SYN3: variants seen among roughly 807,000 people sequenced by gnomAD.
SYN3 encodes the protein synapsin III.
A neutral mutation model predicts 65.8 loss-of-function variants in SYN3; 35 were observed. That is an observed-to-expected ratio of 0.53 (90% CI 0.41 to 0.70). SYN3 has a LOEUF of 0.70. Among genes scored for constraint, SYN3 ranks in the 30% least tolerant of loss-of-function variants. SYN3 has a pLI of 0.00. For missense variants in SYN3, 680 were observed against 749.0 expected (o/e 0.91, Z 1.08); for synonymous variants, 270 against 292.9 (o/e 0.92, Z 0.80).
At chr22:32,681,349 A>G (rs2060520039) in intron 6 of SYN3, among the ~76,000 whole-genome samples, 1 of 152,092 alleles carries the variant, frequency 6.6e-6, no homozygotes, top group African/African-American at 2.4e-5. Context: ...GTTTGAGGGT[A>G]TAGAGGAATG....
intron 6 of SYN3, among the ~76,000 whole-genome samples, chr22:32,652,400 A>T (rs1310442852): frequency 6.6e-6 from 1 of 151,716 alleles, no homozygotes; most frequent in Non-Finnish European, 1.5e-5. Context: ...TTTGGAAAAA[A>T]AAAAGTTTTC....
chr22:32,835,071 T>C (rs1026298278), intron 6 of SYN3, among the ~76,000 whole-genome samples: 7 of 152,206 alleles, frequency 4.6e-5, no homozygotes, highest in African/African-American at 1.4e-4. Flanking sequence ...CCTTCTTTTC[T>C]TTCCATGATC....
intron 7 of SYN3, among the ~76,000 whole-genome samples, chr22:32,586,097 T>C (rs903945644): frequency 8.9e-5 from 12 of 134,548 alleles, no homozygotes; most frequent in South Asian, 2.7e-4. Context: ...TATATGTATA[T>C]ATGTATACAT....
At chr22:32,752,777 C>T (rs1208478646) in intron 6 of SYN3, among the ~76,000 whole-genome samples, 1 of 152,134 alleles carries the variant, frequency 6.6e-6, no homozygotes, top group Non-Finnish European at 1.5e-5. Flanking sequence ...TCAGAGAGTT[C>T]CTGAAGCAGA....
chr22:32,787,202 C>G (rs184889598), intron 6 of SYN3, among the ~76,000 whole-genome samples: 5 of 152,074 alleles, frequency 3.3e-5, no homozygotes, highest in Admixed American at 3.3e-4. Context: ...TGCGTGCCAC[C>G]ACACCCGGCT....
At chr22:32,870,669 C>G (rs2146356163) in intron 4 of SYN3, among the ~76,000 whole-genome samples, 1 of 152,188 alleles carries the variant, frequency 6.6e-6, no homozygotes, top group East Asian at 1.9e-4. Context: ...ACAGCCTCAC[C>G]AGCACTGCAG....
chr22:32,997,959 G>A (rs535586603), intron 2 of SYN3, among the ~76,000 whole-genome samples: 16 of 151,450 alleles, frequency 1.1e-4, no homozygotes, highest in South Asian at 2.1e-4. Flanking sequence ...CCCGGGAGAC[G>A]GAGCTTGCAG....
chr22:32,747,305 A>AAAAAC (rs60455960), intron 6 of SYN3, among the ~76,000 whole-genome samples: 105 of 150,494 alleles, frequency 7.0e-4, no homozygotes, highest in South Asian at 2.3e-3. Context: ...TTCCAAGACC[A>AAAAAC]AAAACAAAAC....
At chr22:32,781,613 C>T (rs779043592) in intron 6 of SYN3, among the ~76,000 whole-genome samples, 4 of 151,558 alleles carry the variant, frequency 2.6e-5, no homozygotes, top group Non-Finnish European at 4.4e-5. Context: ...TAGGTGTTTG[C>T]TATTATTATT....
Position 32,510,048 on chromosome 22 carries a change from G to A in SYN3, c.*3644C>T, listed in dbSNP as rs1014619710. On this transcript the variant is annotated 3_prime_UTR_variant, in exon 14 of 14. Coordinates refer to ENST00000358763, the MANE Select transcript of SYN3 (RefSeq NM_003490.4). ...GGAGATATCCTTTGGATGCTGAGGT[G>A]TGTCTGAGGCCAAAGGACAGAATAT... Among the ~76,000 whole-genome samples, 8 of 152,130 alleles carry A rather than the reference G, an allele frequency of 5.3e-5. No individual in the cohort carries two copies. Among genetic ancestry groups the A allele is most frequent in the Admixed American group, 3.9e-4 (6 of 15,290 alleles).
At chr22:32,554,821 T>C (rs1391490526) in intron 7 of SYN3, among the ~76,000 whole-genome samples, 1 of 152,226 alleles carries the variant, frequency 6.6e-6, no homozygotes, top group East Asian at 1.9e-4. Flanking sequence ...ACAAAAAAAA[T>C]GCAAGCTCAA....
chr22:32,822,515 G>A (rs1296660582), intron 6 of SYN3, among the ~76,000 whole-genome samples: 1 of 152,190 alleles, frequency 6.6e-6, no homozygotes, highest in Non-Finnish European at 1.5e-5. Context: ...TCAAACATGT[G>A]CATACACTTT....
chr22:32,988,325 T>G (rs201715938), intron 2 of SYN3, among the ~76,000 whole-genome samples: 1 of 146,226 alleles, frequency 6.8e-6, no homozygotes. Context: ...ATAATAATAA[T>G]AATAATAATA....
At chr22:32,680,219 C>T (rs895633477) in intron 6 of SYN3, among the ~76,000 whole-genome samples, 1 of 152,196 alleles carries the variant, frequency 6.6e-6, no homozygotes, top group Non-Finnish European at 1.5e-5. Flanking sequence ...CTCAGATATT[C>T]TCTTTCCTTT....
rs151082458 is a variant in SYN3 at position 32,554,778 on chromosome 22, A to G, written c.775-13065T>C. Among the ~76,000 whole-genome samples, 1,433 of 152,284 alleles carry G rather than the reference A, an allele frequency of 9.4e-3. 25 individuals are homozygous for G. Among genetic ancestry groups the G allele is most frequent in the African/African-American group, 0.031 (1,275 of 41,558 alleles). ...CTCGCCATTGCTCCATCTGCGAGAC[A>G]CACCCTTCTCTAGAAGTAAAATTGC... On this transcript the variant is annotated intron_variant, in intron 7 of 13. Coordinates refer to ENST00000358763, the MANE Select transcript of SYN3 (RefSeq NM_003490.4).
At position 32,633,295 on chromosome 22, in the gene SYN3, G is replaced by A. The variant is rs115856203; in HGVS notation, c.712-36559C>T. ...GATTTTATTATCCTGATTTTTGAGC[G>A]GAGCAAACAGACTCCGAGGAACAGT... On this transcript the variant is annotated intron_variant, in intron 6 of 13. Transcript: ENST00000358763. Among the ~76,000 whole-genome samples, 852 of 152,258 alleles carry A rather than the reference G, an allele frequency of 5.6e-3. 6 individuals are homozygous for A. The highest frequency in any genetic ancestry group is 0.019 in the African/African-American group (788 of 41,548).
intron 6 of SYN3, among the ~76,000 whole-genome samples, chr22:32,781,243 C>T (rs571496755): frequency 1.3e-5 from 2 of 152,154 alleles, no homozygotes; most frequent in Admixed American, 6.5e-5. Flanking sequence ...TGGGAAGTGC[C>T]ATCTTTTAGG....
At chr22:32,678,236 G>A (rs1346745125) in intron 6 of SYN3, among the ~76,000 whole-genome samples, 1 of 152,346 alleles carries the variant, frequency 6.6e-6, no homozygotes, top group South Asian at 2.1e-4. Context: ...TGGAAGTCCA[G>A]TCAATGGAGT....
rs747075483 is a variant in SYN3, at chr22:32,518,122, G to A, written c.1531C>T (p.Arg511Trp). Residue 511 changes from arginine to tryptophan, a missense_variant, in exon 13 of 14, where the codon CGG becomes TGG. Arg to Trp is a moderately radical substitution (Grantham distance 101). Transcript: ENST00000358763. ...KPGATLASQP[R>W]PPVQGRSTSQ... ...GTACTACGGCCCTGCACAGGGGGCCGGGGCTGTGAGGCGAGGGTGGCACCT... is the reference window on the plus strand; with the variant it reads ...GTACTACGGCCCTGCACAGGGGGCCAGGGCTGTGAGGCGAGGGTGGCACCT... The A allele has an allele frequency of 1.1e-5, 18 of 1,600,760 alleles. No individual in the cohort carries two copies. The highest frequency in any genetic ancestry group is 5.1e-5 in the Admixed American group (3 of 58,592).
Sources: allele counts gnomAD v4.1 joint callset (sites outside exome capture counted in the v4.1 genomes callset), GRCh38; gene constraint gnomAD v4.1.1; transcripts MANE v1.5; gene names NCBI Gene and HGNC (gene_info 2026-07-23, HGNC 2026-07-21).